SAMD5: variants seen among roughly 807,000 people sequenced by gnomAD.
The protein encoded by SAMD5 is sterile alpha motif domain-containing protein 5.
Under a neutral mutation model 11.3 loss-of-function variants are expected in SAMD5, and 13 were observed. That is an observed-to-expected ratio of 1.15 (90% CI 0.75 to 1.83). SAMD5 has a LOEUF of 1.83. Among genes scored for constraint, SAMD5 ranks in the 40% most tolerant of loss-of-function variants. The pLI is 0.00. For missense variants in SAMD5, 255 were observed against 239.1 expected (o/e 1.07, Z -0.44); for synonymous variants, 129 against 111.3 (o/e 1.16, Z -1.00).
intron 1 of SAMD5, among the ~76,000 whole-genome samples, chr6:147,691,059 A>G (rs1791095789): frequency 6.6e-6 from 1 of 151,522 alleles, no homozygotes; most frequent in Non-Finnish European, 1.5e-5. Context: ...CAATGGCACA[A>G]CCTTAGCTTA....
At chr6:147,731,755 C>T (rs1791719073) in intron 1 of SAMD5, among the ~76,000 whole-genome samples, 1 of 138,164 alleles carries the variant, frequency 7.2e-6, no homozygotes, top group Non-Finnish European at 1.6e-5. Context: ...TTAGTCATCA[C>T]TTTTTAGCTC....
chr6:147,614,883 T>C (rs9377069), intron 1 of SAMD5, among the ~76,000 whole-genome samples: 26,530 of 151,862 alleles, frequency 0.17, 4,909 homozygotes, highest in African/African-American at 0.46. Flanking sequence ...CAACCAACCA[T>C]AGACTGAAAA....
At chr6:147,755,160 T>A in the SAMD5 span, among the ~76,000 whole-genome samples, 4 of 152,128 alleles carry the variant, frequency 2.6e-5, no homozygotes, top group Non-Finnish European at 5.9e-5. Context: ...AGTATGGACA[T>A]TTTAACAATA....
chr6:147,730,353 G>T (rs1791696637), intron 1 of SAMD5: 1 of 225,246 alleles, frequency 4.4e-6, no homozygotes, highest in Admixed American at 4.8e-5. Context: ...CAGTATGGGG[G>T]TGCCTACAAT....
the SAMD5 span, among the ~76,000 whole-genome samples, chr6:147,830,566 C>T: frequency 1.3e-5 from 2 of 151,948 alleles, no homozygotes; most frequent in African/African-American, 4.8e-5. Flanking sequence ...CCAGTAAGCT[C>T]TTTCAATTTG....
chr6:147,723,307 A>C (rs1214848721), intron 1 of SAMD5, among the ~76,000 whole-genome samples: 1 of 152,164 alleles, frequency 6.6e-6, no homozygotes, highest in Non-Finnish European at 1.5e-5. Flanking sequence ...GTATCAGTGC[A>C]GGATTTTAGG....
chr6:147,782,237 G>T, the SAMD5 span, among the ~76,000 whole-genome samples: 1 of 152,056 alleles, frequency 6.6e-6, no homozygotes, highest in Non-Finnish European at 1.5e-5. Flanking sequence ...GTTGAAAAAG[G>T]TTCATTTAAA....
At chr6:147,509,612 TCTAAA>T (rs1788057009) in intron 1 of SAMD5, among the ~76,000 whole-genome samples, 1 of 152,136 alleles carries the variant, frequency 6.6e-6, no homozygotes, top group Non-Finnish European at 1.5e-5. Context: ...AGATGTTATC[TCTAAA>T]CTAACGACCA....
At chr6:147,918,489 T>G in the SAMD5 span, among the ~76,000 whole-genome samples, 4 of 152,124 alleles carry the variant, frequency 2.6e-5, no homozygotes, top group Non-Finnish European at 5.9e-5. Context: ...TTGGAAGTTC[T>G]GGCCAGGGCA....
At chr6:147,527,628 A>G (rs556220787) in intron 1 of SAMD5, among the ~76,000 whole-genome samples, 1 of 152,130 alleles carries the variant, frequency 6.6e-6, no homozygotes, top group East Asian at 1.9e-4. Flanking sequence ...AAATACAATC[A>G]TGTCTTCCCA....
At chr6:147,595,130 C>T (rs1425039829) in intron 1 of SAMD5, among the ~76,000 whole-genome samples, 1 of 152,186 alleles carries the variant, frequency 6.6e-6, no homozygotes, top group East Asian at 1.9e-4. Flanking sequence ...CAAAATATAA[C>T]GTCTTGAGAG....
At chr6:147,527,117 A>G (rs1488080344) in intron 1 of SAMD5, among the ~76,000 whole-genome samples, 1 of 152,218 alleles carries the variant, frequency 6.6e-6, no homozygotes, top group African/African-American at 2.4e-5. Flanking sequence ...AGTGATAATC[A>G]GTTCATTTTC....
chr6:147,829,080 A>C, the SAMD5 span, among the ~76,000 whole-genome samples: 6 of 152,234 alleles, frequency 3.9e-5, no homozygotes, highest in Non-Finnish European at 8.8e-5. Flanking sequence ...ATGTTATTGC[A>C]AGGGAACCAA....
intron 1 of SAMD5, among the ~76,000 whole-genome samples, chr6:147,658,618 G>T (rs1330745502): frequency 1.3e-5 from 2 of 151,286 alleles, no homozygotes; most frequent in Admixed American, 6.6e-5. Flanking sequence ...GATATGAGAG[G>T]CATTAAAGAC....
chr6:147,801,210 G>A, the SAMD5 span, among the ~76,000 whole-genome samples: 1,061 of 152,078 alleles, frequency 7.0e-3, 14 homozygotes, highest in African/African-American at 0.024. Context: ...AGACATTCCA[G>A]GTCAGAGAAA....
the SAMD5 span, among the ~76,000 whole-genome samples, chr6:147,764,373 C>A: frequency 6.6e-6 from 1 of 152,134 alleles, no homozygotes; most frequent in Non-Finnish European, 1.5e-5. Flanking sequence ...ATTCTTACAA[C>A]AAATAAATAT....
At chr6:147,909,605 T>TC in the SAMD5 span, among the ~76,000 whole-genome samples, 1 of 69,988 alleles carries the variant, frequency 1.4e-5, no homozygotes, top group African/African-American at 9.0e-5. Context: ...TCTTTCTTTC[T>TC]TTCTTTCTTT....
intron 1 of SAMD5, among the ~76,000 whole-genome samples, chr6:147,576,608 C>G (rs1789221562): frequency 6.6e-6 from 1 of 152,172 alleles, no homozygotes; most frequent in African/African-American, 2.4e-5. Flanking sequence ...CAAGTGCTTT[C>G]ACTAGTCAAG....
At chr6:147,701,699 A>C (rs543215979) in intron 1 of SAMD5, among the ~76,000 whole-genome samples, 1 of 152,090 alleles carries the variant, frequency 6.6e-6, no homozygotes, top group South Asian at 2.1e-4. Context: ...ATTCAGTTAG[A>C]GGGTTCATTT....
Sources: gnomAD v4.1 joint callset for allele counts (sites outside exome capture counted in the v4.1 genomes callset) on GRCh38, gnomAD v4.1.1 for gene constraint, MANE v1.5 for transcripts, NCBI Gene and HGNC (gene_info 2026-07-23, HGNC 2026-07-21) for gene names.